REPS1: variants seen among roughly 807,000 people sequenced by gnomAD.
REPS1 encodes the protein ralBP1-associated Eps domain-containing protein 1.
Under a neutral mutation model 100.9 loss-of-function variants are expected in REPS1, and 39 were observed. The observed-to-expected ratio is 0.39, with a 90% CI of 0.30 to 0.50. The LOEUF (loss-of-function observed/expected upper bound fraction) is 0.50. Ranked by LOEUF, REPS1 falls within the 20% of genes least tolerant of loss-of-function variation. The pLI, the probability that REPS1 is intolerant of heterozygous loss-of-function variation, is 0.86. For synonymous variants in REPS1, 324 were observed against 340.3 expected (o/e 0.95, Z 0.53); for missense variants, 821 against 968.5 (o/e 0.85, Z 2.02).
chr6:138,910,876 A>C (rs1299854746), intron 17 of REPS1: 1 of 155,450 alleles, frequency 6.4e-6, no homozygotes, highest in East Asian at 1.9e-4. Flanking sequence ...AAACGTTTTC[A>C]TAATAAAATG....
At chr6:138,938,422 A>G (rs1213008674) in intron 8 of REPS1, among the ~76,000 whole-genome samples, 1 of 152,210 alleles carries the variant, frequency 6.6e-6, no homozygotes, top group East Asian at 1.9e-4. Flanking sequence ...ATGTTTCAGT[A>G]TGTTCCAACA....
intron 8 of REPS1, among the ~76,000 whole-genome samples, chr6:138,936,591 G>T (rs991073944): frequency 4.2e-5 from 6 of 143,342 alleles, no homozygotes; most frequent in African/African-American, 1.0e-4. Context: ...CGGCAGGGTG[G>T]GGGGGGAGAC....
chr6:138,912,775 T>C lies in REPS1; in HGVS notation c.1961A>G (p.Glu654Gly), dbSNP rs145013575. ...EQDDEAEKHP[E>G]VLPAEKASDP... ...CCCTCGAAAACTGACCGGCAGGACT[T>C]CTGGATGTTTCTCGGCTTCATCATC... The change falls in exon 16 of 20, where the codon GAA becomes GGA. Residue 654 changes from glutamate to glycine, a missense_variant. By Grantham distance (98) the Glu-to-Gly change is moderately conservative (BLOSUM62 -2). Around this residue, in one of 3 missense-constraint regions of REPS1, gnomAD observed 757 missense variants for 866.4 expected, o/e 0.87. Transcript: ENST00000450536. 71 of 1,614,194 alleles carry C rather than the reference T, an allele frequency of 4.4e-5. No homozygotes were observed. In the East Asian group the frequency reaches 1.5e-3, roughly 35 times the overall value.
At chr6:138,905,380 T>C (rs1223707168) in intron 19 of REPS1, among the ~76,000 whole-genome samples, 1 of 152,074 alleles carries the variant, frequency 6.6e-6, no homozygotes, top group Non-Finnish European at 1.5e-5. Context: ...CAAGCTCCGC[T>C]TCCCGGGTTC....
intron 14 of REPS1, chr6:138,915,018 T>G (rs1242840396): frequency 2.4e-6 from 1 of 422,578 alleles, no homozygotes; most frequent in Non-Finnish European, 4.2e-6. Context: ...ATTCCCATAA[T>G]AGCAAACAAT....
At chr6:138,937,971 G>T (rs1781969395) in intron 8 of REPS1, among the ~76,000 whole-genome samples, 1 of 151,486 alleles carries the variant, frequency 6.6e-6, no homozygotes, top group African/African-American at 2.4e-5. Flanking sequence ...AAAATGTAGA[G>T]TACCTCAACG....
chr6:138,944,497 C>G lies in REPS1; in HGVS notation c.753+1G>C. 1 of 1,613,496 alleles carries G rather than the reference C, an allele frequency of 6.2e-7. No individual in the cohort carries two copies. The highest frequency in any genetic ancestry group is 1.1e-5 in the South Asian group (1 of 90,960). On this transcript the variant is annotated splice_donor_variant, in intron 5 of 19. Coordinates refer to ENST00000450536, the MANE Select transcript of REPS1 (RefSeq NM_001286611.2). LOFTEE classifies it high-confidence loss of function. Reference sequence around the variant, plus strand: ...AATGCAATACCAATAAAATGTCACACCTGGACAGAAGCAGGATGCATGGTT... The same window carrying G: ...AATGCAATACCAATAAAATGTCACAGCTGGACAGAAGCAGGATGCATGGTT...
intron 1 of REPS1, among the ~76,000 whole-genome samples, chr6:138,971,433 A>G (rs1322932590): frequency 2.0e-5 from 3 of 152,056 alleles, no homozygotes; most frequent in African/African-American, 4.8e-5. Context: ...AGCCAGGCAC[A>G]CTGGAACTCT....
At chr6:138,959,770 A>G (rs1783621535) in intron 1 of REPS1, among the ~76,000 whole-genome samples, 1 of 152,232 alleles carries the variant, frequency 6.6e-6, no homozygotes, top group African/African-American at 2.4e-5. Flanking sequence ...GAAGATTCAC[A>G]TCTACAATAA....
At chr6:138,905,512 C>T (rs1460179652) in intron 19 of REPS1, among the ~76,000 whole-genome samples, 5 of 149,854 alleles carry the variant, frequency 3.3e-5, no homozygotes, top group South Asian at 2.1e-4. Flanking sequence ...AGGATGGTCT[C>T]GATCTCCTGA....
At chr6:138,945,782 GAATTTTTGT>G in intron 2 of REPS1, 85 bp from the exon 3 acceptor site, 1 of 1,134,418 alleles carries the variant, frequency 8.8e-7, no homozygotes, top group Non-Finnish European at 1.2e-6. Context: ...TTAGATATTA[GAATTTTTGT>G]AAAAATGGAT....
intron 1 of REPS1, among the ~76,000 whole-genome samples, chr6:138,977,688 T>G (rs1784674547): frequency 6.6e-6 from 1 of 152,258 alleles, no homozygotes; most frequent in African/African-American, 2.4e-5. Flanking sequence ...TTTTGACTAT[T>G]GTGAATAATG....
In REPS1 at chr6:138,921,166, G is replaced by A. The variant is rs373800465; in HGVS notation, c.1339-42C>T. The A allele has an allele frequency of 2.5e-5, 33 of 1,342,086 alleles. No individual in the cohort carries two copies. In the African/African-American group the frequency reaches 4.5e-4, roughly 18 times the overall value. The allele number at this position is 1,342,086 out of a possible 1,614,324, so 83.1% of individuals were successfully genotyped here. ...GGAAATAAAGAATTTGTATTAAAATGTCAAGCTAATGCCATGCAATAATCA... is the reference window on the plus strand; with the variant it reads ...GGAAATAAAGAATTTGTATTAAAATATCAAGCTAATGCCATGCAATAATCA... On this transcript the variant is annotated intron_variant, in intron 10 of 19. Transcript: ENST00000450536.
At chr6:138,905,436 C>T (rs968891779) in intron 19 of REPS1, among the ~76,000 whole-genome samples, 5 of 149,140 alleles carry the variant, frequency 3.4e-5, no homozygotes, top group Admixed American at 6.8e-5. Flanking sequence ...GGACTACAGG[C>T]GCCCGCCACC....
chr6:138,926,828 A>C (rs1781161733), intron 9 of REPS1: 1 of 167,642 alleles, frequency 6.0e-6, no homozygotes, highest in Admixed American at 6.2e-5. Flanking sequence ...GCCTTGACTA[A>C]AGAAAGAAAG....
chr6:138,913,261 G>A (rs1780132880), intron 15 of REPS1, among the ~76,000 whole-genome samples: 1 of 151,988 alleles, frequency 6.6e-6, no homozygotes, highest in African/African-American at 2.4e-5. Context: ...TTCTCCACTT[G>A]CATGTGTTTT....
intron 14 of REPS1, chr6:138,914,991 C>T (rs1158437125): frequency 1.8e-5 from 9 of 504,690 alleles, no homozygotes; most frequent in Non-Finnish European, 3.1e-5. Flanking sequence ...TGAAGCCCTC[C>T]TGGCATACTC....
At chr6:138,972,228 G>C (rs1041082441) in intron 1 of REPS1, among the ~76,000 whole-genome samples, 1 of 149,484 alleles carries the variant, frequency 6.7e-6, no homozygotes, top group African/African-American at 2.4e-5. Context: ...TTTTGAAAAG[G>C]GGGGCGGAAT....
At chr6:138,937,219 C>A (rs1317038090) in intron 8 of REPS1, among the ~76,000 whole-genome samples, 1 of 152,064 alleles carries the variant, frequency 6.6e-6, no homozygotes, top group Non-Finnish European at 1.5e-5. Flanking sequence ...GTCCCTCCCA[C>A]AAACATAAGA....
Sources: gnomAD v4.1 joint callset for allele counts (sites outside exome capture counted in the v4.1 genomes callset) on GRCh38, gnomAD v4.1.1 for gene constraint, gnomAD v4.1.1 regional missense constraint, MANE v1.5 for transcripts, NCBI Gene and HGNC (gene_info 2026-07-23, HGNC 2026-07-21) for gene names.